ISL1: variants seen among roughly 807,000 people sequenced by gnomAD.
The protein encoded by ISL1 is ISL LIM homeobox 1.
ISL1 carries 4 observed loss-of-function variants against 35.3 expected under a neutral mutation model. The ratio of observed to expected loss-of-function variants is 0.11; its 90% confidence interval spans 0.06 to 0.26. The LOEUF is 0.26. Ranked by LOEUF, ISL1 falls within the 10% of genes least tolerant of loss-of-function variation. ISL1 has a pLI of 1.00. For missense variants in ISL1, 340 were observed against 472.8 expected (o/e 0.72, Z 2.60); for synonymous variants, 186 against 172.3 (o/e 1.08, Z -0.62).
chr5:51,393,092 TGAA>T (rs1486604539), intron 5 of ISL1, among the ~76,000 whole-genome samples: 1 of 152,160 alleles, frequency 6.6e-6, no homozygotes, highest in Non-Finnish European at 1.5e-5. Context: ...ATTTTCCAAC[TGAA>T]GAAGAGAGTC....
At chr5:51,385,160 T>G (rs756647230) in intron 2 of ISL1, among the ~76,000 whole-genome samples, 4 of 152,246 alleles carry the variant, frequency 2.6e-5, no homozygotes, top group Non-Finnish European at 5.9e-5. Flanking sequence ...AATTCTTTGG[T>G]GGCATCAATG....
chr5:51,387,443 TTCTC>T lies in ISL1; in HGVS notation c.219-44_219-41del. 6.2e-7 allele frequency: 1 copy of T among 1,608,002 alleles called. No individual in the cohort carries two copies. Among genetic ancestry groups the T allele is most frequent in the Non-Finnish European group, 8.5e-7 (1 of 1,177,008 alleles). ...CTGAAGTGACCCCCTCTTCCTGTAC[TTCTC>T]TCCCCGCTCTGGGCCGCCTCCGCTC... On this transcript the variant is annotated intron_variant, in intron 2 of 5. Transcript: ENST00000230658. This position sits in a 1 kb window ranked among gnomAD's most constrained non-coding sequence, Gnocchi z 4.3.
chr5:51,393,488 A>C lies in ISL1; in HGVS notation c.934-6A>C. The C allele has an allele frequency of 2.6e-6, 4 of 1,539,260 alleles. No individual in the cohort carries two copies. The highest frequency in any genetic ancestry group is 1.4e-5 in the African/African-American group (1 of 73,508). ...TCCTTTATTTATTTCTCAACCTTCTATGCAGGTCAATTTTTCAGAAGGAGG... is the reference window on the plus strand; with the variant it reads ...TCCTTTATTTATTTCTCAACCTTCTCTGCAGGTCAATTTTTCAGAAGGAGG... On this transcript the variant is annotated splice_region_variant and splice_polypyrimidine_tract_variant and intron_variant, in intron 5 of 5. Transcript: ENST00000230658.
Position 51,387,548 on chromosome 5 carries a change from A to C in ISL1, c.277A>C (p.Met93Leu). 6.2e-7 allele frequency: 1 copy of C among 1,614,188 alleles called. No homozygotes were observed. The highest frequency in any genetic ancestry group is 8.5e-7 in the Non-Finnish European group (1 of 1,180,050). ...SIGFSKNDFV[M>L]RARSKVYHIE... ...CGGCTTCAGCAAGAACGACTTCGTG[A>C]TGCGTGCCCGCTCCAAGGTGTATCA... The change falls in exon 3 of 6, where the codon ATG (methionine) becomes CTG (leucine). Residue 93 changes from methionine (M) to leucine (L), a missense_variant. Physicochemically the swap from Met to Leu is conservative, Grantham distance 15. This residue lies in a region of ISL1 where 70 missense variants were observed against 130.3 expected (regional missense o/e 0.54). Coordinates refer to ENST00000230658, the MANE Select transcript of ISL1 (RefSeq NM_002202.3). The surrounding 1 kb of genome is among the most constrained non-coding windows in gnomAD (Gnocchi z 4.3).
chr5:51,391,487 GACT>G (rs764401723), intron 5 of ISL1, 46 bp downstream of exon 5: 7 of 1,605,964 alleles, frequency 4.4e-6, no homozygotes, highest in Non-Finnish European at 5.1e-6. Flanking sequence ...CCCAACAGGA[GACT>G]CTGGTTTAAC....
intron 1 of ISL1, among the ~76,000 whole-genome samples, chr5:51,384,310 C>A (rs546731912): frequency 6.0e-4 from 90 of 150,582 alleles, no homozygotes; most frequent in Admixed American, 5.3e-3. Flanking sequence ...GTAGACTATT[C>A]CAATCTGCAT....
chr5:51,389,660 G>T lies in ISL1; in HGVS notation c.493G>T (p.Ala165Ser), dbSNP rs1008714994. Reference sequence around the variant, plus strand: ...TTGCCCCGCAGCGGAGCCCATCTCCGCCAGGCAGCCAGCCCTGCGGCCCCA... The same window carrying T: ...TTGCCCCGCAGCGGAGCCCATCTCCTCCAGGCAGCCAGCCCTGCGGCCCCA... ...PLQMAAEPIS[A>S]RQPALRPHVH... is the part of the protein sequence containing the mutation. The change falls in exon 4 of 6, where the codon GCC (alanine) becomes TCC (serine). Residue 165 changes from alanine to serine, a missense_variant. Ala to Ser is a moderately conservative substitution (Grantham distance 99). Coordinates refer to ENST00000230658, the MANE Select transcript of ISL1 (RefSeq NM_002202.3). This position sits in a 1 kb window ranked among gnomAD's most constrained non-coding sequence, Gnocchi z 5.0. 2 of 1,609,870 alleles carry T rather than the reference G, an allele frequency of 1.2e-6. No homozygotes were observed. The highest frequency in any genetic ancestry group is 3.3e-5 in the Admixed American group (2 of 59,962).
rs1328255630 is a variant in ISL1, at chr5:51,383,644, A to G, written c.-28A>G. On this transcript the variant is annotated 5_prime_UTR_variant, in exon 1 of 6. Transcript: ENST00000230658. The stretch of plus-strand genomic sequence containing the variant: ...TCACCAACTGTACAACCACCATTTC[A>G]CTGTGGACATTACTCCCTCTTACAG... The G allele has an allele frequency of 1.3e-6, 2 of 1,591,894 alleles. No homozygotes were observed. The highest frequency in any genetic ancestry group is 8.6e-7 in the Non-Finnish European group (1 of 1,159,836).
chr5:51,393,017 G>A (rs1341431202), intron 5 of ISL1, among the ~76,000 whole-genome samples: 2 of 152,172 alleles, frequency 1.3e-5, no homozygotes. Context: ...GCCTGCTGAG[G>A]AGTTAATCTT....
intron 2 of ISL1, chr5:51,386,488 T>G: frequency 2.3e-6 from 1 of 438,420 alleles, no homozygotes. Context: ...GCAGGATGCC[T>G]CCTCCTGTTA....
intron 2 of ISL1, among the ~76,000 whole-genome samples, chr5:51,385,585 T>TG (rs1398305516): frequency 6.6e-6 from 1 of 151,436 alleles, no homozygotes; most frequent in Non-Finnish European, 1.5e-5. Context: ...GTTTTTGTTT[T>TG]TTTTTTCCTC....
chr5:51,386,817 A>C (rs1747352561), intron 2 of ISL1, among the ~76,000 whole-genome samples: 1 of 152,212 alleles, frequency 6.6e-6, no homozygotes, highest in Non-Finnish European at 1.5e-5. Context: ...TTTTCTGTTA[A>C]CATTGCTGCC....
chr5:51,384,489 A>T (rs1747296188), intron 1 of ISL1, 52 bp from the exon 2 acceptor site: 15 of 1,532,970 alleles, frequency 9.8e-6, no homozygotes, highest in Non-Finnish European at 1.3e-5. Flanking sequence ...AAGTGTGTTT[A>T]TCTCTGTAGG....
intron 2 of ISL1, among the ~76,000 whole-genome samples, chr5:51,385,496 T>A (rs191320131): frequency 3.3e-4 from 50 of 152,256 alleles, no homozygotes; most frequent in African/African-American, 1.2e-3. Context: ...TGGTAACTGA[T>A]AAAATGAGCG....
Position 51,387,476 on chromosome 5 carries a change from C to A in ISL1, c.219-14C>A, listed in dbSNP as rs371406968. The A allele has an allele frequency of 6.8e-6, 11 of 1,613,728 alleles. No individual in the cohort carries two copies. Among genetic ancestry groups the A allele is most frequent in the South Asian group, 4.4e-5 (4 of 90,970 alleles). Reference sequence around the variant, plus strand: ...CCGCTCTGGGCCGCCTCCGCTCCCCCCTCCCCCGCACAGGTTGTACGGGAT... The same window carrying A: ...CCGCTCTGGGCCGCCTCCGCTCCCCACTCCCCCGCACAGGTTGTACGGGAT... On this transcript the variant is annotated splice_polypyrimidine_tract_variant and intron_variant, in intron 2 of 5. Coordinates refer to ENST00000230658, the MANE Select transcript of ISL1 (RefSeq NM_002202.3). The surrounding 1 kb of genome is among the most constrained non-coding windows in gnomAD (Gnocchi z 4.3).
rs1394086576 is a variant in ISL1 at position 51,389,650 on chromosome 5, G to T, written c.483G>T (p.Glu161Asp). The T allele has an allele frequency of 6.2e-7, 1 of 1,608,420 alleles. No individual in the cohort carries two copies. ...HPARPLQMAA[E>D]PISARQPALR... ...ACGGCGCTCCTTGCCCCGCAGCGGA[G>T]CCCATCTCCGCCAGGCAGCCAGCCC... Residue 161 changes from glutamate (E) to aspartate (D), a missense_variant, in exon 4 of 6, where the codon GAG (glutamate) becomes GAT (aspartate). Around this residue, in one of 7 missense-constraint regions of ISL1, gnomAD observed 94 missense variants for 102.1 expected, o/e 0.92. Coordinates refer to ENST00000230658, the MANE Select transcript of ISL1 (RefSeq NM_002202.3). This position sits in a 1 kb window ranked among gnomAD's most constrained non-coding sequence, Gnocchi z 5.0.
At chr5:51,385,154 C>A (rs1295679422) in intron 2 of ISL1, among the ~76,000 whole-genome samples, 10 of 152,056 alleles carry the variant, frequency 6.6e-5, no homozygotes, top group Non-Finnish European at 1.2e-4. Context: ...CTTACAAATT[C>A]TTTGGTGGCA....
intron 5 of ISL1, 113 bp downstream of exon 5, chr5:51,391,554 G>A: frequency 3.3e-6 from 4 of 1,216,910 alleles, no homozygotes; most frequent in East Asian, 2.4e-5. Context: ...CTCAGGGTTG[G>A]GGAGAAACCA....
Position 51,393,690 on chromosome 5 carries a change from A to G in ISL1, c.*80A>G. 1 of 889,196 alleles carries G rather than the reference A, an allele frequency of 1.1e-6. No individual in the cohort carries two copies. The highest frequency in any genetic ancestry group is 1.9e-6 in the Non-Finnish European group (1 of 520,018). The allele number at this position is 889,196 out of a possible 1,614,324, so 55.1% of individuals were successfully genotyped here. A position where few individuals can be genotyped will look rare whatever the true frequency, so the allele number is the denominator to read the frequency against. On this transcript the variant is annotated 3_prime_UTR_variant, in exon 6 of 6. Transcript: ENST00000230658. Reference sequence around the variant, plus strand: ...GTCGAACTCTGAAACAAAAGTATTTAACGACCCAGTCAATGAAAACTGAAT... The same window carrying G: ...GTCGAACTCTGAAACAAAAGTATTTGACGACCCAGTCAATGAAAACTGAAT...
Sources: allele counts gnomAD v4.1 joint callset (sites outside exome capture counted in the v4.1 genomes callset), GRCh38; gene constraint gnomAD v4.1.1; regional missense constraint gnomAD v4.1.1; non-coding constraint Gnocchi (gnomAD v3.1); transcripts MANE v1.5; gene names NCBI Gene and HGNC (gene_info 2026-07-23, HGNC 2026-07-21).